Variants in MANBA observed in about 807,000 individuals in gnomAD.
MANBA encodes the protein mannosidase beta.
In MANBA, 83 loss-of-function variants were observed where a neutral mutation model predicts 111.1. The ratio of observed to expected loss-of-function variants is 0.75; its 90% CI spans 0.63 to 0.90. The LOEUF (loss-of-function observed/expected upper bound fraction) is 0.90, where lower values mean the gene tolerates loss of function less well. Among genes scored for constraint, MANBA ranks in the 40% least tolerant of loss-of-function variants. The pLI is 0.00. For missense variants in MANBA, 1,036 were observed against 1,069.0 expected, an observed-to-expected ratio of 0.97 and a Z score of 0.43; for synonymous variants, 370 against 378.7, an observed-to-expected ratio of 0.98 and a Z score of 0.27.
chr4:102,745,765 C>G (rs1723563766), intron 1 of MANBA, among the ~76,000 whole-genome samples: 1 of 152,228 alleles, frequency 6.6e-6, no homozygotes. Context: ...TGATCCAACT[C>G]TATATTCCTT....
chr4:102,657,134 G>A (rs1367603426), intron 12 of MANBA, among the ~76,000 whole-genome samples: 1 of 146,636 alleles, frequency 6.8e-6, no homozygotes, highest in Non-Finnish European at 1.5e-5. Context: ...ATGCTGAAAC[G>A]GAATCTTTAG....
At chr4:102,743,438 C>A (rs1723482034) in intron 1 of MANBA, among the ~76,000 whole-genome samples, 1 of 152,212 alleles carries the variant, frequency 6.6e-6, no homozygotes, top group Non-Finnish European at 1.5e-5. Context: ...AGTGCTGCAG[C>A]TATCCACTTT....
chr4:102,722,467 A>G (rs1722621860), intron 4 of MANBA: 1 of 218,026 alleles, frequency 4.6e-6, no homozygotes, highest in Non-Finnish European at 9.3e-6. Context: ...AGAACCTGAC[A>G]GTAAGATGCA....
At chr4:102,685,455 T>C in intron 7 of MANBA, among the ~76,000 whole-genome samples, 1 of 152,036 alleles carries the variant, frequency 6.6e-6, no homozygotes, top group East Asian at 1.9e-4. Context: ...CCTTCAAAAT[T>C]ACCTCCATCC....
At chr4:102,650,447 T>C (rs1444087493) in intron 13 of MANBA, 90 bp downstream of exon 13, 1 of 1,320,448 alleles carries the variant, frequency 7.6e-7, no homozygotes, top group East Asian at 2.3e-5. Context: ...AAAACCTGAA[T>C]ATTTTTCACC....
intron 12 of MANBA, among the ~76,000 whole-genome samples, chr4:102,657,237 C>CGGGGG (rs1730604897): frequency 4.4e-5 from 1 of 22,802 alleles, no homozygotes; most frequent in African/African-American, 1.6e-4. Context: ...GGGGGGTGGG[C>CGGGGG]GGTGGTAATG....
At chr4:102,632,407 C>T in intron 16 of MANBA, 126 bp from the exon 17 acceptor site, 1 of 762,394 alleles carries the variant, frequency 1.3e-6, no homozygotes. Context: ...TTTGGTTCTA[C>T]AACTGCTAAA....
At position 102,741,781 on chromosome 4, in the gene MANBA, TGGGAA is replaced by T. The variant is rs928811400; in HGVS notation, c.178-15103_178-15099del. 2.0e-5 allele frequency among the ~76,000 whole-genome samples: 3 copies of T among 152,214 alleles called. No homozygotes were observed. The South Asian group carries it at 6.2e-4, about 32-fold the overall frequency. On this transcript the variant is annotated intron_variant, in intron 1 of 16. Coordinates refer to ENST00000647097, the MANE Select transcript of MANBA (RefSeq NM_005908.4). ...GACTCTGGAGACTTGCAGGGAAGGA[TGGGAA>T]GGTGAGGGATAAAAGACTACACATT...
At chr4:102,760,369 A>G (rs1724193574) in intron 1 of MANBA, among the ~76,000 whole-genome samples, 1 of 152,212 alleles carries the variant, frequency 6.6e-6, no homozygotes, top group South Asian at 2.1e-4. Context: ...CAGTAGAGAC[A>G]GTAATTCCCG....
At chr4:102,730,582 A>G in intron 1 of MANBA, 2 of 539,882 alleles carry the variant, frequency 3.7e-6, no homozygotes, top group Non-Finnish European at 7.5e-6. Context: ...ATTGATGTCT[A>G]GCTGCTCACT....
intron 13 of MANBA, among the ~76,000 whole-genome samples, chr4:102,643,371 T>C (rs1729964151): frequency 6.6e-6 from 1 of 152,242 alleles, no homozygotes; most frequent in African/African-American, 2.4e-5. Context: ...GAACAGGTTT[T>C]TGCATGAACA....
intron 5 of MANBA, among the ~76,000 whole-genome samples, chr4:102,707,682 A>C (rs893803351): frequency 6.6e-6 from 1 of 152,206 alleles, no homozygotes; most frequent in African/African-American, 2.4e-5. Flanking sequence ...AGGGTAAATG[A>C]ATTAAACTTT....
At chr4:102,760,573 C>G (rs560564325) in intron 1 of MANBA, 145 bp downstream of exon 1, 26 of 935,474 alleles carry the variant, frequency 2.8e-5, no homozygotes, top group Non-Finnish European at 4.0e-5. Flanking sequence ...CATTTCCCCC[C>G]GCAGATCACA....
intron 1 of MANBA, among the ~76,000 whole-genome samples, chr4:102,738,276 A>G (rs762564554): frequency 5.3e-5 from 8 of 152,254 alleles, no homozygotes; most frequent in Non-Finnish European, 1.2e-4. Flanking sequence ...TCACATGACA[A>G]CTTCACTGCT....
intron 1 of MANBA, among the ~76,000 whole-genome samples, chr4:102,735,375 T>C (rs1723178326): frequency 6.6e-6 from 1 of 151,638 alleles, no homozygotes; most frequent in South Asian, 2.1e-4. Context: ...CTTCCACCTG[T>C]ACATCCCCCA....
At chr4:102,692,864 G>C (rs1325998599) in intron 5 of MANBA, among the ~76,000 whole-genome samples, 1 of 133,424 alleles carries the variant, frequency 7.5e-6, no homozygotes, top group Non-Finnish European at 1.6e-5. Context: ...TGCTGCAAAA[G>C]AAAAAAAAAA....
chr4:102,748,033 A>C (rs2110209495), intron 1 of MANBA, among the ~76,000 whole-genome samples: 1 of 152,344 alleles, frequency 6.6e-6, no homozygotes, highest in Non-Finnish European at 1.5e-5. Context: ...AGGAGATCAC[A>C]CTTGCTCAGG....
In MANBA at chr4:102,729,299, G is replaced by C. The variant is rs1407805979; in HGVS notation, c.178-2616C>G. Reference sequence around the variant, plus strand: ...AGGTCATCCTCGTGCTTCCCAGCCAGCATCTGCAGCTCCTCATCCTTGATC... The same window carrying C: ...AGGTCATCCTCGTGCTTCCCAGCCACCATCTGCAGCTCCTCATCCTTGATC... On this transcript the variant is annotated intron_variant, in intron 1 of 16. Transcript: ENST00000647097. 4.2e-5 allele frequency: 32 copies of C among 753,364 alleles called. 1 individual carries two copies. The highest frequency in any genetic ancestry group is 6.2e-5 in the Non-Finnish European group (25 of 405,796). 46.7% of individuals were successfully genotyped at this position (753,364 alleles called of 1,614,324 possible).
Position 102,734,442 on chromosome 4 carries a change from G to C in MANBA, c.178-7759C>G, listed in dbSNP as rs1055433331. 13 of 1,607,116 alleles carry C rather than the reference G, an allele frequency of 8.1e-6. No homozygotes were observed. The African/African-American group carries it at 1.6e-4, about 20-fold the overall frequency. ...CCTGCTATGGTACGGACTCTTCCTG[G>C]GAGCCATCTTCCAGCTCATCTGTGT... On this transcript the variant is annotated intron_variant, in intron 1 of 16. Transcript: ENST00000647097.
Sources: gnomAD v4.1 joint callset for allele counts (sites outside exome capture counted in the v4.1 genomes callset) on GRCh38, gnomAD v4.1.1 for gene constraint, MANE v1.5 for transcripts, NCBI Gene and HGNC (gene_info 2026-07-23, HGNC 2026-07-21) for gene names.